Variants in RTL4 observed in about 807,000 individuals in gnomAD.
RTL4 encodes retrotransposon Gag-like protein 4.
RTL4 carries 4 observed loss-of-function variants against 5.3 expected under a neutral mutation model. The observed-to-expected ratio is 0.75, with a 90% CI of 0.37 to 1.72. The LOEUF is 1.72. Among genes scored for constraint, RTL4 ranks in the 40% most tolerant of loss-of-function variants. The pLI is 0.04. For missense variants in RTL4, 260 were observed against 227.1 expected, an observed-to-expected ratio of 1.14 and a Z score of -0.93; for synonymous variants, 98 against 87.3, an observed-to-expected ratio of 1.12 and a Z score of -0.68.
chrX:112,441,830 G>A, the RTL4 span, among the ~76,000 whole-genome samples: 1 of 112,174 alleles, frequency 8.9e-6, no homozygotes, highest in African/African-American at 3.2e-5. Flanking sequence ...ATGCAGACTT[G>A]TACAAATGCA....
chrX:112,341,329 T>G, the RTL4 span, among the ~76,000 whole-genome samples: 6 of 111,871 alleles, frequency 5.4e-5, no homozygotes, highest in Admixed American at 5.7e-4. Context: ...TCCCCTAAGA[T>G]GTTAGAGCAC....
chrX:112,343,073 G>A, the RTL4 span, among the ~76,000 whole-genome samples: 4 of 111,717 alleles, frequency 3.6e-5, no homozygotes, highest in Non-Finnish European at 7.5e-5. Flanking sequence ...TCGCACCACT[G>A]CACTCCAGCG....
chrX:112,090,883 C>A, the RTL4 span, among the ~76,000 whole-genome samples: 1 of 110,794 alleles, frequency 9.0e-6, no homozygotes, highest in East Asian at 2.8e-4. Context: ...TGGTTCTGGG[C>A]TTCTTAAGGG....
the RTL4 span, among the ~76,000 whole-genome samples, chrX:112,368,326 G>GA: frequency 1.6e-4 from 18 of 111,543 alleles, no homozygotes; most frequent in Non-Finnish European, 2.8e-4. Flanking sequence ...GGAGAAAAAA[G>GA]AATCAGAGAT....
At chrX:112,164,990 G>A in the RTL4 span, among the ~76,000 whole-genome samples, 2 of 111,832 alleles carry the variant, frequency 1.8e-5, no homozygotes, top group Non-Finnish European at 3.8e-5. Context: ...TTAGCAGGCC[G>A]CATTCATTCC....
the RTL4 span, among the ~76,000 whole-genome samples, chrX:112,278,940 G>A: frequency 1.8e-5 from 2 of 111,660 alleles, no homozygotes; most frequent in African/African-American, 6.5e-5. Context: ...GAGAGCAGCT[G>A]CAATGAAACC....
rs779227218 is a variant in RTL4, at chrX:112,454,654, C to A, written c.-75C>A. ...TGACACTCCGTCTCTGATCACAGAG[C>A]AAATCCACTGTCTCCATTGGTTTCC... On this transcript the variant is annotated 5_prime_UTR_variant, in exon 1 of 1. Transcript: ENST00000340433. 1.2e-4 allele frequency: 115 copies of A among 976,649 alleles called. No homozygotes were observed. The East Asian group carries it at 3.5e-3, about 30-fold the overall frequency. The allele number at this position is 976,649 out of a possible 1,213,427, so 80.5% of individuals were successfully genotyped here.
the RTL4 span, among the ~76,000 whole-genome samples, chrX:112,389,563 C>T: frequency 1.8e-5 from 2 of 111,030 alleles, no homozygotes; most frequent in African/African-American, 3.3e-5. Context: ...TTAACATTGC[C>T]TTAGCTATGT....
At chrX:112,115,892 G>A in the RTL4 span, among the ~76,000 whole-genome samples, 20 of 112,443 alleles carry the variant, frequency 1.8e-4, no homozygotes, top group African/African-American at 2.9e-4. Flanking sequence ...ATAGATGGGC[G>A]AGTCTCGCTT....
chrX:112,309,560 G>C, the RTL4 span, among the ~76,000 whole-genome samples: 2 of 108,316 alleles, frequency 1.8e-5, no homozygotes, highest in African/African-American at 3.4e-5. Context: ...ACGATCTCGG[G>C]TCTGTGCAAC....
chrX:112,213,985 C>T, the RTL4 span, among the ~76,000 whole-genome samples: 1 of 96,298 alleles, frequency 1.0e-5, no homozygotes, highest in Non-Finnish European at 2.0e-5. Context: ...ATTCATCTCC[C>T]AAAGTTTCCC....
chrX:112,298,051 A>G, the RTL4 span, among the ~76,000 whole-genome samples: 2 of 111,595 alleles, frequency 1.8e-5, no homozygotes, highest in African/African-American at 6.5e-5. Context: ...TAGATGGGAT[A>G]ACATAGTGGA....
the RTL4 span, among the ~76,000 whole-genome samples, chrX:112,221,261 C>CA: frequency 9.0e-6 from 1 of 111,521 alleles, no homozygotes; most frequent in African/African-American, 3.3e-5. Context: ...CACTCACTAT[C>CA]ATAAGAACAG....
chrX:112,165,998 A>G, the RTL4 span, among the ~76,000 whole-genome samples: 1 of 112,619 alleles, frequency 8.9e-6, no homozygotes, highest in Non-Finnish European at 1.9e-5. Context: ...GAGATTTGCA[A>G]CCAGAGAAAT....
the RTL4 span, among the ~76,000 whole-genome samples, chrX:112,365,880 C>T: frequency 2.7e-5 from 3 of 111,338 alleles, no homozygotes; most frequent in African/African-American, 9.8e-5. Context: ...TTATTCATGC[C>T]AGGTGCCCCT....
At chrX:112,160,846 G>T in the RTL4 span, among the ~76,000 whole-genome samples, 1 of 108,636 alleles carries the variant, frequency 9.2e-6, no homozygotes, top group Non-Finnish European at 1.9e-5. Context: ...TGAGAGTTAG[G>T]CTAGCAATGG....
At chrX:112,207,908 T>C in the RTL4 span, among the ~76,000 whole-genome samples, 1 of 111,039 alleles carries the variant, frequency 9.0e-6, no homozygotes, top group African/African-American at 3.3e-5. Flanking sequence ...TTCTAGCTTA[T>C]GCTCATTCTA....
chrX:112,120,464 G>A, the RTL4 span, among the ~76,000 whole-genome samples: 1 of 110,491 alleles, frequency 9.1e-6, no homozygotes, highest in African/African-American at 3.3e-5. Flanking sequence ...TTTTAGTAGA[G>A]ACGGGGTTTC....
At chrX:112,099,141 A>C in the RTL4 span, among the ~76,000 whole-genome samples, 1 of 112,118 alleles carries the variant, frequency 8.9e-6, no homozygotes, top group Non-Finnish European at 1.9e-5. Context: ...CTCATCTGAC[A>C]AAGAGCTAAT....
Sources: gnomAD v4.1 joint callset for allele counts (sites outside exome capture counted in the v4.1 genomes callset) on GRCh38, gnomAD v4.1.1 for gene constraint, MANE v1.5 for transcripts, NCBI Gene and HGNC (gene_info 2026-07-23, HGNC 2026-07-21) for gene names.